The following CEP126 variants were observed in gnomAD, a reference collection of about 807,000 sequenced individuals.
The protein encoded by CEP126 is centrosomal protein 126, also known as centrosomal protein of 126 kDa.
CEP126 carries 74 observed loss-of-function variants against 107.8 expected under a neutral mutation model. That is an observed-to-expected ratio of 0.69 (90% CI 0.57 to 0.83). The LOEUF (loss-of-function observed/expected upper bound fraction) is 0.83. Among genes scored for constraint, CEP126 ranks in the 40% least tolerant of loss-of-function variants. The pLI, the probability that CEP126 is intolerant of heterozygous loss-of-function variation, is 0.00. For missense variants in CEP126, 1,237 were observed against 1,281.9 expected (o/e 0.96, Z 0.53); for synonymous variants, 449 against 446.0 (o/e 1.01, Z -0.08).
At chr11:101,970,075 T>G (rs1941107979) in intron 6 of CEP126, among the ~76,000 whole-genome samples, 1 of 152,196 alleles carries the variant, frequency 6.6e-6, no homozygotes, top group Admixed American at 6.5e-5. Flanking sequence ...AATTGTAGAT[T>G]AAAATTAGAG....
At chr11:101,954,256 G>A (rs1253895341) in intron 4 of CEP126, among the ~76,000 whole-genome samples, 1 of 152,108 alleles carries the variant, frequency 6.6e-6, no homozygotes, top group African/African-American at 2.4e-5. Context: ...TCGATTTCTT[G>A]ACCTCGTGAT....
chr11:101,997,648 A>G lies in CEP126; in HGVS notation c.*5A>G. ...AGCTGCAGAGACAAGAGATAATTCC[A>G]GCAGAATCCGTCTAAGAAGACCTTT... On this transcript the variant is annotated 3_prime_UTR_variant, in exon 11 of 11. Coordinates refer to ENST00000263468, the MANE Select transcript of CEP126 (RefSeq NM_020802.4). The G allele has an allele frequency of 6.2e-7, 1 of 1,613,968 alleles. No individual in the cohort carries two copies. Among genetic ancestry groups the G allele is most frequent in the Non-Finnish European group, 8.5e-7 (1 of 1,179,926 alleles).
intron 6 of CEP126, 104 bp from the exon 7 acceptor site, chr11:101,978,243 A>C (rs1484754820): frequency 2.7e-6 from 2 of 728,154 alleles, no homozygotes; most frequent in African/African-American, 1.8e-5. Flanking sequence ...AATTAAACTT[A>C]CAGAGTTTTC....
intron 2 of CEP126, among the ~76,000 whole-genome samples, chr11:101,923,539 C>T (rs1376503273): frequency 6.6e-6 from 1 of 152,018 alleles, no homozygotes; most frequent in Non-Finnish European, 1.5e-5. Context: ...TTAACAAATC[C>T]CATTTGGGGA....
At chr11:101,983,638 G>A (rs1444316589) in intron 8 of CEP126, among the ~76,000 whole-genome samples, 1 of 152,198 alleles carries the variant, frequency 6.6e-6, no homozygotes, top group Non-Finnish European at 1.5e-5. Context: ...TCATTGAAGA[G>A]TTTGCCAAGG....
intron 2 of CEP126, among the ~76,000 whole-genome samples, 176 bp downstream of exon 2, chr11:101,922,936 G>C (rs1940352876): frequency 6.6e-6 from 1 of 152,148 alleles, no homozygotes; most frequent in Non-Finnish European, 1.5e-5. Context: ...CAAAGCACAA[G>C]GGTGGTGGTG....
chr11:101,953,484 T>C (rs1016906272), intron 4 of CEP126, among the ~76,000 whole-genome samples: 3 of 151,422 alleles, frequency 2.0e-5, no homozygotes, highest in Non-Finnish European at 4.4e-5. Flanking sequence ...TGGATATAGA[T>C]AAGAAAAAAA....
intron 5 of CEP126, among the ~76,000 whole-genome samples, chr11:101,960,245 GA>G (rs201066059): frequency 5.0e-4 from 75 of 151,214 alleles, no homozygotes; most frequent in East Asian, 2.1e-3. Context: ...AAAATCTGAA[GA>G]AAAAAAAAGT....
chr11:101,922,750 C>A lies in CEP126; in HGVS notation c.238C>A (p.Arg80=), dbSNP rs571445055. The A allele has an allele frequency of 1.9e-6, 3 of 1,610,314 alleles. No homozygotes were observed. The highest frequency in any genetic ancestry group is 2.5e-6 in the Non-Finnish European group (3 of 1,177,738). ...RARKYFVESN[R]RKKAFEEKRK... ...ACGTAAATATTTTGTGGAGTCAAAT[C>A]GGAGAAAAAAGTAAGTAATTGCACT... is the stretch of plus-strand genomic sequence containing the variant. Residue 80 remains arginine (R), a synonymous_variant, in exon 2 of 11, where the codon CGG becomes AGG. Transcript: ENST00000263468.
intron 9 of CEP126, among the ~76,000 whole-genome samples, chr11:101,991,796 A>T (rs1284533139): frequency 1.3e-5 from 2 of 152,236 alleles, no homozygotes; most frequent in African/African-American, 4.8e-5. Context: ...GGATCTAAAA[A>T]TACATAATTT....
rs1940708976 is a variant in CEP126, at chr11:101,944,425, A to G, written c.394+15A>G. The G allele has an allele frequency of 3.1e-6, 5 of 1,603,278 alleles. No homozygotes were observed. In the South Asian group the frequency reaches 5.7e-5, roughly 18 times the overall value. On this transcript the variant is annotated intron_variant, in intron 3 of 10. Transcript: ENST00000263468. ...GAGGAAAGCAGGTGCCTTAATTTCT[A>G]GAACAGTATGAGAACATAAAGTTTT...
Position 101,963,523 on chromosome 11 carries a change from C to T in CEP126, c.2488C>T (p.Gln830Ter). Reference sequence around the variant, plus strand: ...TCAACCAGTAACTCCTGAAAATCCTCAAAACATTATTACACATAACTCTTT... The same window carrying T: ...TCAACCAGTAACTCCTGAAAATCCTTAAAACATTATTACACATAACTCTTT... ...QCQPVTPENP[Q>*]NIITHNSFNS... Residue 830 changes from glutamine to a stop codon, truncating the protein, a stop_gained, in exon 6 of 11, where the codon CAA becomes TAA. Coordinates refer to ENST00000263468, the MANE Select transcript of CEP126 (RefSeq NM_020802.4). LOFTEE classifies it high-confidence loss of function. The T allele has an allele frequency of 6.2e-7, 1 of 1,614,016 alleles. No individual in the cohort carries two copies. Among genetic ancestry groups the T allele is most frequent in the South Asian group, 1.1e-5 (1 of 91,026 alleles).
intron 9 of CEP126, among the ~76,000 whole-genome samples, chr11:101,989,077 A>G (rs1173463163): frequency 6.6e-6 from 1 of 151,604 alleles, no homozygotes; most frequent in African/African-American, 2.4e-5. Context: ...ACCATGAAAC[A>G]AGCCTTAACA....
chr11:101,961,453 G>A (rs1181381188), intron 5 of CEP126, among the ~76,000 whole-genome samples: 1 of 151,882 alleles, frequency 6.6e-6, no homozygotes, highest in Non-Finnish European at 1.5e-5. Flanking sequence ...AAATGGAATA[G>A]CAATAACAAA....
intron 8 of CEP126, among the ~76,000 whole-genome samples, chr11:101,985,581 C>T (rs1470062769): frequency 6.6e-6 from 1 of 152,146 alleles, no homozygotes; most frequent in Non-Finnish European, 1.5e-5. Flanking sequence ...CCGCATCCAG[C>T]TGAGTTTCAT....
At chr11:101,935,006 C>T (rs749112833) in intron 2 of CEP126, among the ~76,000 whole-genome samples, 1 of 152,034 alleles carries the variant, frequency 6.6e-6, no homozygotes, top group Non-Finnish European at 1.5e-5. Flanking sequence ...ACCTTTTTTA[C>T]ACACCCTCCA....
Position 101,958,522 on chromosome 11 carries a change from T to A in CEP126, c.705+156T>A, listed in dbSNP as rs1372181527. Among the ~76,000 whole-genome samples, 6 of 151,094 alleles carry A rather than the reference T, an allele frequency of 4.0e-5. No individual in the cohort carries two copies. The East Asian group carries it at 1.2e-3, about 31-fold the overall frequency. On this transcript the variant is annotated intron_variant, in intron 5 of 10. Transcript: ENST00000263468. ...CAGCACAAATTCATCATAGAAACTA[T>A]AGAAATAATTTTTTAGTTTTTTCCT...
chr11:101,969,960 GTAAATTT>G (rs1555056915), intron 6 of CEP126, among the ~76,000 whole-genome samples: 2 of 152,172 alleles, frequency 1.3e-5, no homozygotes, highest in Non-Finnish European at 2.9e-5. Flanking sequence ...AATGTGGAAA[GTAAATTT>G]TGGAAGCTAA....
intron 8 of CEP126, among the ~76,000 whole-genome samples, chr11:101,983,041 C>T (rs900299118): frequency 6.6e-6 from 1 of 152,160 alleles, no homozygotes; most frequent in African/African-American, 2.4e-5. Context: ...ATACATGTAC[C>T]AATGGCAGAT....
Sources: allele counts gnomAD v4.1 joint callset (sites outside exome capture counted in the v4.1 genomes callset), GRCh38; gene constraint gnomAD v4.1.1; transcripts MANE v1.5; gene names NCBI Gene and HGNC (gene_info 2026-07-23, HGNC 2026-07-21).